The following ANKUB1 variants were observed in gnomAD, a reference collection of about 807,000 sequenced individuals.
ANKUB1 encodes the protein ankyrin repeat and ubiquitin domain containing 1.
Under a neutral mutation model 49.3 loss-of-function variants are expected in ANKUB1, and 42 were observed. The ratio of observed to expected loss-of-function variants is 0.85; its 90% CI spans 0.67 to 1.10. The LOEUF is 1.10. ANKUB1 is among the 50% of genes least tolerant of loss of function. ANKUB1 has a pLI of 0.00. For synonymous variants in ANKUB1, 222 were observed against 231.0 expected (o/e 0.96, Z 0.35); for missense variants, 613 against 642.0 (o/e 0.95, Z 0.49).
chr3:149,766,702 A>T, intron 5 of ANKUB1: 1 of 652,666 alleles, frequency 1.5e-6, no homozygotes, highest in Admixed American at 2.3e-5. Context: ...GAAGGCTGAG[A>T]TGGGAGAATT....
chr3:149,777,248 C>A (rs1203947580), intron 3 of ANKUB1, among the ~76,000 whole-genome samples: 1 of 152,070 alleles, frequency 6.6e-6, no homozygotes, highest in African/African-American at 2.4e-5. Context: ...CCAAGGCGGG[C>A]AGATCAGAAG....
intron 3 of ANKUB1, among the ~76,000 whole-genome samples, chr3:149,775,645 A>G (rs1717559082): frequency 6.6e-6 from 1 of 152,196 alleles, no homozygotes; most frequent in Admixed American, 6.5e-5. Context: ...TGAGGTGTTT[A>G]TAGTGAAGAG....
intron 1 of ANKUB1, among the ~76,000 whole-genome samples, chr3:149,791,366 G>T (rs554608579): frequency 1.3e-5 from 2 of 152,304 alleles, no homozygotes; most frequent in Middle Eastern, 3.4e-3. Flanking sequence ...TAATTAGGAA[G>T]TCCACATGTC....
chr3:149,766,638 GA>G lies in ANKUB1; in HGVS notation c.1505+518del, dbSNP rs34032365. On this transcript the variant is annotated intron_variant, in intron 5 of 5. Coordinates refer to ENST00000446160, the MANE Select transcript of ANKUB1 (RefSeq NM_001144960.3). ...AACATGGTGAGTCCTCATCTCTACAGAAAAAAAAAATCAATCAGATATAGTG... is the reference window on the plus strand; with the variant it reads ...AACATGGTGAGTCCTCATCTCTACAGAAAAAAAAATCAATCAGATATAGTG... 1.5e-3 allele frequency: 683 copies of G among 453,848 alleles called. 14 individuals carry two copies. Among genetic ancestry groups the G allele is most frequent in the Non-Finnish European group, 2.0e-3 (501 of 247,880 alleles). The allele number at this position is 453,848 out of a possible 1,614,324, so 28.1% of individuals were successfully genotyped here.
rs1003711624 is a variant in ANKUB1 at position 149,774,589 on chromosome 3, G to A, written c.452-3915C>T. On this transcript the variant is annotated intron_variant, in intron 3 of 5. Coordinates refer to ENST00000446160, the MANE Select transcript of ANKUB1 (RefSeq NM_001144960.3). ...ACCTGATTCTGAAAACTACAGAGAG[G>A]ACCGTACGATTTAAATCTCCTTAAC... Among the ~76,000 whole-genome samples the A allele has an allele frequency of 1.3e-5, 2 of 152,176 alleles. 1 individual carries two copies. The highest frequency in any genetic ancestry group is 4.1e-4 in the South Asian group (2 of 4,834).
chr3:149,786,674 G>T (rs1265744964), intron 2 of ANKUB1, among the ~76,000 whole-genome samples: 1 of 152,130 alleles, frequency 6.6e-6, no homozygotes, highest in Non-Finnish European at 1.5e-5. Context: ...TGTCCCGAAT[G>T]GTATTGCCTA....
intron 5 of ANKUB1, 79 bp downstream of exon 5, chr3:149,767,078 G>A (rs1202085835): frequency 7.7e-7 from 1 of 1,306,328 alleles, no homozygotes; most frequent in Non-Finnish European, 1.0e-6. Flanking sequence ...TGGCATAGTA[G>A]GGCATTATGG....
At chr3:149,784,431 C>A (rs962415640) in intron 2 of ANKUB1, among the ~76,000 whole-genome samples, 11 of 152,166 alleles carry the variant, frequency 7.2e-5, no homozygotes, top group Non-Finnish European at 1.3e-4. Flanking sequence ...GGCAGAGAAG[C>A]AACAGACACA....
intron 3 of ANKUB1, among the ~76,000 whole-genome samples, chr3:149,771,537 G>A (rs775324503): frequency 4.6e-5 from 7 of 152,154 alleles, no homozygotes; most frequent in African/African-American, 1.7e-4. Context: ...CATAGCTAAA[G>A]CAATCTCTGC....
chr3:149,792,026 C>T (rs1357995162), intron 1 of ANKUB1, among the ~76,000 whole-genome samples: 1 of 152,134 alleles, frequency 6.6e-6, no homozygotes, highest in Non-Finnish European at 1.5e-5. Flanking sequence ...CACACATTCC[C>T]TAAAAAGAAG....
chr3:149,768,950 C>T (rs1717199040), intron 4 of ANKUB1, among the ~76,000 whole-genome samples: 1 of 152,172 alleles, frequency 6.6e-6, no homozygotes, highest in African/African-American at 2.4e-5. Flanking sequence ...ATAAATATAA[C>T]ACAGTGTCTG....
At chr3:149,766,317 C>A (rs1434021070) in intron 5 of ANKUB1, among the ~76,000 whole-genome samples, 2 of 152,178 alleles carry the variant, frequency 1.3e-5, no homozygotes, top group African/African-American at 4.8e-5. Context: ...AGTCTTTAAT[C>A]ATTCAATTTG....
intron 5 of ANKUB1, among the ~76,000 whole-genome samples, chr3:149,764,652 T>G (rs1401948303): frequency 1.2e-5 from 1 of 86,256 alleles, no homozygotes; most frequent in Non-Finnish European, 2.4e-5. Flanking sequence ...CTTTCTTTCT[T>G]TCCTTCCTTC....
At chr3:149,769,080 A>G (rs1717208291) in intron 4 of ANKUB1, among the ~76,000 whole-genome samples, 1 of 152,242 alleles carries the variant, frequency 6.6e-6, no homozygotes, top group Admixed American at 6.5e-5. Context: ...AGTATAAAAT[A>G]TTAGAATATT....
At chr3:149,782,371 C>T (rs1425815318) in intron 2 of ANKUB1, among the ~76,000 whole-genome samples, 1 of 151,844 alleles carries the variant, frequency 6.6e-6, no homozygotes, top group African/African-American at 2.4e-5. Flanking sequence ...AAGAATTCTC[C>T]TCCATTCCCA....
intron 4 of ANKUB1, among the ~76,000 whole-genome samples, chr3:149,769,817 C>T (rs2108266346): frequency 6.6e-6 from 1 of 152,284 alleles, no homozygotes; most frequent in African/African-American, 2.4e-5. Context: ...TGTGGACTGT[C>T]TGTATTTATT....
chr3:149,788,634 C>A (rs539739804), intron 2 of ANKUB1, among the ~76,000 whole-genome samples: 1 of 152,106 alleles, frequency 6.6e-6, no homozygotes, highest in African/African-American at 2.4e-5. Flanking sequence ...AAGAGTTCAG[C>A]GTGAAGCTTG....
Position 149,767,315 on chromosome 3 carries a change from G to A in ANKUB1, c.1347C>T (p.Val449=). Residue 449 remains valine, a synonymous_variant, in exon 5 of 6, where the codon GTC becomes GTT. Coordinates refer to ENST00000446160, the MANE Select transcript of ANKUB1 (RefSeq NM_001144960.3). ...KLIKNTYLPQ[V]PLPPVSRVGY... Reference sequence around the variant, plus strand: ...CCACTCTTGAAACTGGAGGGAGGGGGACTTGGGGAAGATATGTGTTTTTTA... The same window carrying A: ...CCACTCTTGAAACTGGAGGGAGGGGAACTTGGGGAAGATATGTGTTTTTTA... 6.4e-7 allele frequency: 1 copy of A among 1,551,542 alleles called. No homozygotes were observed. The highest frequency in any genetic ancestry group is 8.7e-7 in the Non-Finnish European group (1 of 1,146,956).
At chr3:149,784,626 C>G (rs565831615) in intron 2 of ANKUB1, among the ~76,000 whole-genome samples, 5 of 152,120 alleles carry the variant, frequency 3.3e-5, no homozygotes, top group Non-Finnish European at 5.9e-5. Flanking sequence ...TCCAATCTTC[C>G]GAAAACTACT....
Sources: allele counts gnomAD v4.1 joint callset (sites outside exome capture counted in the v4.1 genomes callset), GRCh38; gene constraint gnomAD v4.1.1; transcripts MANE v1.5; gene names NCBI Gene and HGNC (gene_info 2026-07-23, HGNC 2026-07-21).